Variants in C8orf34 observed in about 807,000 individuals in gnomAD.
The protein encoded by C8orf34 is uncharacterized protein C8orf34.
A neutral mutation model predicts 68.3 loss-of-function variants in C8orf34; 65 were observed. The observed-to-expected ratio is 0.95, with a 90% CI of 0.78 to 1.17. C8orf34 has a LOEUF of 1.17. Among genes scored for constraint, C8orf34 ranks in the 50% most tolerant of loss-of-function variants. The pLI is 0.00. For synonymous variants in C8orf34, 244 were observed against 241.2 expected, an observed-to-expected ratio of 1.01 and a Z score of -0.11; for missense variants, 664 against 655.4, an observed-to-expected ratio of 1.01 and a Z score of -0.14.
At chr8:68,678,024 T>C (rs1170535220) in intron 8 of C8orf34, among the ~76,000 whole-genome samples, 1 of 152,064 alleles carries the variant, frequency 6.6e-6, no homozygotes, top group Non-Finnish European at 1.5e-5. Context: ...CATACCAAGA[T>C]TGAACCATGC....
At chr8:68,570,548 A>G (rs1441821800) in intron 7 of C8orf34, among the ~76,000 whole-genome samples, 1 of 152,204 alleles carries the variant, frequency 6.6e-6, no homozygotes, top group Non-Finnish European at 1.5e-5. Flanking sequence ...CAGTTCCCCT[A>G]TCTAATTTCT....
chr8:68,442,089 G>A (rs1173121199), intron 2 of C8orf34, among the ~76,000 whole-genome samples: 1 of 152,108 alleles, frequency 6.6e-6, no homozygotes, highest in Non-Finnish European at 1.5e-5. Context: ...TATAGTTAGA[G>A]TGTAGGATGG....
intron 4 of C8orf34, among the ~76,000 whole-genome samples, 159 bp downstream of exon 4, chr8:68,468,979 G>A (rs1482309868): frequency 6.6e-6 from 1 of 152,050 alleles, no homozygotes; most frequent in Non-Finnish European, 1.5e-5. Flanking sequence ...ACTTGATTTT[G>A]CATATTATAC....
chr8:68,457,238 A>T (rs1811591941), intron 3 of C8orf34, among the ~76,000 whole-genome samples: 1 of 152,188 alleles, frequency 6.6e-6, no homozygotes, highest in Admixed American at 6.5e-5. Context: ...ATGTACATAT[A>T]TGTATAGAAA....
At chr8:68,631,770 G>C (rs1054666345) in intron 7 of C8orf34, among the ~76,000 whole-genome samples, 2 of 152,080 alleles carry the variant, frequency 1.3e-5, no homozygotes, top group Non-Finnish European at 2.9e-5. Context: ...GAGGTGTTCG[G>C]AAGTTCCCTC....
intron 7 of C8orf34, among the ~76,000 whole-genome samples, chr8:68,543,348 G>C (rs1207344355): frequency 6.6e-6 from 1 of 151,940 alleles, no homozygotes; most frequent in African/African-American, 2.4e-5. Context: ...ATTTAATGTA[G>C]AAAGCACAGA....
intron 1 of C8orf34, among the ~76,000 whole-genome samples, chr8:68,334,518 T>A (rs1271905199): frequency 6.6e-6 from 1 of 151,982 alleles, no homozygotes; most frequent in Non-Finnish European, 1.5e-5. Flanking sequence ...TAGAAACTTT[T>A]GAGTTTCTCC....
chr8:68,682,917 A>T (rs1820410600), intron 8 of C8orf34, among the ~76,000 whole-genome samples: 1 of 152,092 alleles, frequency 6.6e-6, no homozygotes, highest in Non-Finnish European at 1.5e-5. Flanking sequence ...GGAGGAAAAA[A>T]ATGTTTCGCG....
intron 7 of C8orf34, among the ~76,000 whole-genome samples, chr8:68,562,220 G>A (rs546646390): frequency 6.6e-6 from 1 of 152,234 alleles, no homozygotes; most frequent in South Asian, 2.1e-4. Flanking sequence ...TAGGCAATAG[G>A]AATTTTTCAT....
chr8:68,623,566 C>T (rs953889057), intron 7 of C8orf34, among the ~76,000 whole-genome samples: 1 of 152,130 alleles, frequency 6.6e-6, no homozygotes, highest in Admixed American at 6.5e-5. Flanking sequence ...AGCATTTAGT[C>T]CATTTGGCTG....
intron 7 of C8orf34, chr8:68,534,038 G>T: frequency 2.0e-6 from 2 of 980,992 alleles, no homozygotes; most frequent in Non-Finnish European, 2.4e-6. Flanking sequence ...AAAAATATAG[G>T]CCATTTTCTG....
chr8:68,776,301 T>C (rs940112532), intron 10 of C8orf34, 98 bp from the exon 11 acceptor site: 10 of 837,170 alleles, frequency 1.2e-5, no homozygotes, highest in East Asian at 2.6e-5. Flanking sequence ...GAATAGCAAA[T>C]ATTTGGTGTT....
At chr8:68,715,204 A>G (rs998488040) in intron 9 of C8orf34, among the ~76,000 whole-genome samples, 1 of 152,168 alleles carries the variant, frequency 6.6e-6, no homozygotes, top group African/African-American at 2.4e-5. Flanking sequence ...ACCCTTCCAG[A>G]CATTAGCTTA....
intron 7 of C8orf34, among the ~76,000 whole-genome samples, chr8:68,560,622 G>A (rs1403221869): frequency 1.3e-5 from 2 of 152,142 alleles, no homozygotes; most frequent in Non-Finnish European, 1.5e-5. Context: ...TGTACAACAT[G>A]TTATTCTACT....
intron 7 of C8orf34, among the ~76,000 whole-genome samples, chr8:68,607,677 TA>T (rs1418740606): frequency 6.6e-6 from 1 of 152,134 alleles, no homozygotes; most frequent in Non-Finnish European, 1.5e-5. Flanking sequence ...AGATTTATTG[TA>T]AAGTTAAATC....
At chr8:68,632,212 G>A (rs1167592594) in intron 7 of C8orf34, among the ~76,000 whole-genome samples, 2 of 152,160 alleles carry the variant, frequency 1.3e-5, no homozygotes, top group African/African-American at 4.8e-5. Flanking sequence ...TTGGGAACTG[G>A]AGCAGAGGTC....
intron 10 of C8orf34, among the ~76,000 whole-genome samples, chr8:68,761,908 A>G (rs1663670474): frequency 6.6e-6 from 1 of 152,222 alleles, no homozygotes; most frequent in African/African-American, 2.4e-5. Context: ...AATAAAAAGC[A>G]TAGTAGAGTA....
chr8:68,642,516 A>G (rs1289256052), intron 8 of C8orf34, among the ~76,000 whole-genome samples: 1 of 152,228 alleles, frequency 6.6e-6, no homozygotes, highest in Non-Finnish European at 1.5e-5. Flanking sequence ...AAAACTCATG[A>G]AACACCTGGG....
chr8:68,691,592 T>C (rs930262253), intron 8 of C8orf34, among the ~76,000 whole-genome samples: 18 of 152,248 alleles, frequency 1.2e-4, no homozygotes, highest in African/African-American at 4.3e-4. Context: ...TTTGTGGAGT[T>C]CAAAGCATTA....
Sources: gnomAD v4.1 joint callset for allele counts (sites outside exome capture counted in the v4.1 genomes callset) on GRCh38, gnomAD v4.1.1 for gene constraint, MANE v1.5 for transcripts, NCBI Gene and HGNC (gene_info 2026-07-23, HGNC 2026-07-21) for gene names.